The following MYT1L variants were observed in gnomAD, a reference collection of about 807,000 sequenced individuals.
The protein encoded by MYT1L is myelin transcription factor 1-like protein.
In MYT1L, 12 loss-of-function variants were observed where a neutral mutation model predicts 126.7. That is an observed-to-expected ratio of 0.09 (90% CI 0.06 to 0.15). MYT1L has a LOEUF of 0.15. Among genes scored for constraint, MYT1L ranks in the 10% least tolerant of loss-of-function variants. The pLI, the probability that MYT1L is intolerant of heterozygous loss-of-function variation, is 1.00. For synonymous variants in MYT1L, 541 were observed against 604.2 expected (o/e 0.90, Z 1.53); for missense variants, 979 against 1,585.2 (o/e 0.62, Z 6.49).
intron 3 of MYT1L, among the ~76,000 whole-genome samples, chr2:2,171,271 A>C (rs73176019): frequency 0.016 from 2,375 of 152,280 alleles, 59 homozygotes; most frequent in African/African-American, 0.054. Flanking sequence ...ATAAACATGG[A>C]TGTTGCTTGC....
intron 9 of MYT1L, among the ~76,000 whole-genome samples, chr2:1,934,321 T>C (rs1558452500): frequency 7.1e-6 from 1 of 139,906 alleles, no homozygotes; most frequent in Non-Finnish European, 1.5e-5. Context: ...ACCTCATATA[T>C]GTAATTTATA....
intron 3 of MYT1L, among the ~76,000 whole-genome samples, chr2:2,145,654 C>T (rs1283066026): frequency 6.6e-6 from 1 of 151,874 alleles, no homozygotes; most frequent in Non-Finnish European, 1.5e-5. Flanking sequence ...CACACACACA[C>T]ACACACACAC....
intron 2 of MYT1L, among the ~76,000 whole-genome samples, chr2:2,259,461 T>A (rs550165938): frequency 6.6e-6 from 1 of 152,140 alleles, no homozygotes; most frequent in Non-Finnish European, 1.5e-5. Context: ...TTAGCTTGAT[T>A]GTGGTATCCT....
intron 3 of MYT1L, among the ~76,000 whole-genome samples, chr2:2,089,571 T>C (rs905825229): frequency 6.6e-6 from 1 of 152,162 alleles, no homozygotes; most frequent in Non-Finnish European, 1.5e-5. Context: ...CAGAAAGTCT[T>C]AAACATCAGC....
rs1467991169 is a variant in MYT1L at position 1,973,498 on chromosome 2, G to T, written c.152+5667C>A. On this transcript the variant is annotated intron_variant, in intron 8 of 24. Transcript: ENST00000647738. ...AAGCCAAAAAAAACCTGAATATAAG[G>T]CACTAGAATTTTTCATCTTAGTCAA... is the stretch of plus-strand genomic sequence containing the variant. Among the ~76,000 whole-genome samples, 8 of 152,168 alleles carry T rather than the reference G, an allele frequency of 5.3e-5. No homozygotes were observed. The East Asian group carries it at 1.4e-3, about 26-fold the overall frequency.
chr2:2,065,151 T>C lies in MYT1L; in HGVS notation c.-303-11028A>G, dbSNP rs560939725. ...AGATTGAGGCTGCCGTGAGCCATGA[T>C]AGTGCCACTGCACTCCAGCCTGGGC... On this transcript the variant is annotated intron_variant, in intron 3 of 24. Coordinates refer to ENST00000647738, the MANE Select transcript of MYT1L (RefSeq NM_001303052.2). Among the ~76,000 whole-genome samples the C allele has an allele frequency of 3.6e-4, 55 of 152,262 alleles. 1 individual carries two copies. Among genetic ancestry groups the C allele is most frequent in the African/African-American group, 1.3e-3 (54 of 41,554 alleles).
At chr2:2,189,533 A>G (rs1171421834) in intron 2 of MYT1L, among the ~76,000 whole-genome samples, 1 of 152,190 alleles carries the variant, frequency 6.6e-6, no homozygotes, top group African/African-American at 2.4e-5. Context: ...GGAAAATATT[A>G]TTTTTCATAA....
intron 9 of MYT1L, among the ~76,000 whole-genome samples, chr2:1,927,919 A>C (rs2054446085): frequency 8.6e-6 from 1 of 116,134 alleles, no homozygotes; most frequent in Non-Finnish European, 1.7e-5. Context: ...CGCAATGATA[A>C]GGAAAAAAAA....
intron 22 of MYT1L, among the ~76,000 whole-genome samples, chr2:1,802,738 A>G (rs1472475322): frequency 2.0e-5 from 3 of 152,212 alleles, no homozygotes; most frequent in Admixed American, 1.3e-4. Flanking sequence ...GCCAACGCCA[A>G]AGAGAAGGAG....
chr2:2,025,829 T>A (rs1167738620), intron 4 of MYT1L, among the ~76,000 whole-genome samples: 1 of 152,240 alleles, frequency 6.6e-6, no homozygotes, highest in African/African-American at 2.4e-5. Context: ...ATGAATTTTT[T>A]AAAAAGGTAG....
Position 1,925,152 on chromosome 2 carries a change from G to C in MYT1L, c.506-1889C>G, listed in dbSNP as rs148116592. Among the ~76,000 whole-genome samples, 5 of 152,310 alleles carry C rather than the reference G, an allele frequency of 3.3e-5. No individual in the cohort carries two copies. In the East Asian group the frequency reaches 9.6e-4, roughly 29 times the overall value. On this transcript the variant is annotated intron_variant, in intron 9 of 24. Transcript: ENST00000647738. ...CACATGTTGGAGCATTTTGAAAGTT[G>C]AGTCAAAGAAGAAACCACAGTCAAG...
chr2:1,825,509 A>G (rs2039182294), intron 21 of MYT1L: 1 of 152,244 alleles, frequency 6.6e-6, no homozygotes, highest in Non-Finnish European at 1.5e-5. Flanking sequence ...AATTATTTGG[A>G]GAAATCAAAA....
In MYT1L at chr2:1,853,873, A is replaced by G. The variant is rs575882685; in HGVS notation, c.2712-2170T>C. On this transcript the variant is annotated intron_variant, in intron 18 of 24. Coordinates refer to ENST00000647738, the MANE Select transcript of MYT1L (RefSeq NM_001303052.2). ...ATTCAGTGAAAATCATATTTTTACT[A>G]CCTATAAAAGTTTTTGTGGTAGTTT... Among the ~76,000 whole-genome samples the G allele has an allele frequency of 5.3e-5, 8 of 152,310 alleles. No homozygotes were observed. The East Asian group carries it at 1.5e-3, about 29-fold the overall frequency.
chr2:1,878,215 C>T (rs2047157216), intron 18 of MYT1L, among the ~76,000 whole-genome samples: 1 of 152,212 alleles, frequency 6.6e-6, no homozygotes, highest in Non-Finnish European at 1.5e-5. Flanking sequence ...GAGGTTTGCA[C>T]TCATCTCACC....
intron 3 of MYT1L, among the ~76,000 whole-genome samples, chr2:2,122,544 C>T (rs111953655): frequency 4.0e-4 from 61 of 152,276 alleles, no homozygotes; most frequent in African/African-American, 1.4e-3. Context: ...CTATCATATA[C>T]AAAGTAATTC....
At chr2:1,802,416 T>C (rs1054949631) in intron 22 of MYT1L, among the ~76,000 whole-genome samples, 10 of 152,166 alleles carry the variant, frequency 6.6e-5, no homozygotes, top group African/African-American at 2.4e-5. Flanking sequence ...CGGAGGGAGA[T>C]GGCCACAAAA....
Position 1,910,374 on chromosome 2 carries a change from G to A in MYT1L, c.1710-27C>T. 1 of 1,582,872 alleles carries A rather than the reference G, an allele frequency of 6.3e-7. No individual in the cohort carries two copies. Among genetic ancestry groups the A allele is most frequent in the Non-Finnish European group, 8.6e-7 (1 of 1,158,896 alleles). On this transcript the variant is annotated intron_variant, in intron 12 of 24. Coordinates refer to ENST00000647738, the MANE Select transcript of MYT1L (RefSeq NM_001303052.2). This position sits in a 1 kb window ranked among gnomAD's most constrained non-coding sequence, Gnocchi z 4.8. The stretch of plus-strand genomic sequence containing the variant: ...TGCAATCACAGAAAGCGGGTTGAAT[G>A]GTCCCGCCTCAAACACCTTCACAGC...
intron 19 of MYT1L, among the ~76,000 whole-genome samples, chr2:1,843,929 T>C (rs1208349149): frequency 6.6e-6 from 1 of 152,210 alleles, no homozygotes; most frequent in African/African-American, 2.4e-5. Flanking sequence ...CCAGGAAGCC[T>C]TGGCCTTGGC....
chr2:1,813,981 C>T (rs1423700519), intron 21 of MYT1L, among the ~76,000 whole-genome samples: 148 of 137,376 alleles, frequency 1.1e-3, no homozygotes, highest in Non-Finnish European at 2.0e-3. Context: ...GAGCCGAGAT[C>T]GCGCCACTGC....
Sources: allele counts gnomAD v4.1 joint callset (sites outside exome capture counted in the v4.1 genomes callset), GRCh38; gene constraint gnomAD v4.1.1; non-coding constraint Gnocchi (gnomAD v3.1); transcripts MANE v1.5; gene names NCBI Gene and HGNC (gene_info 2026-07-23, HGNC 2026-07-21).